The following PDIA3 variants were observed in gnomAD, a reference collection of about 807,000 sequenced individuals.
PDIA3 encodes protein disulfide-isomerase A3.
A neutral mutation model predicts 56.9 loss-of-function variants in PDIA3; 16 were observed. That is an observed-to-expected ratio of 0.28 (90% confidence interval 0.19 to 0.43). The LOEUF is 0.43. Ranked by LOEUF, PDIA3 falls within the 20% of genes least tolerant of loss-of-function variation. PDIA3 has a pLI of 1.00. For missense variants in PDIA3, 485 were observed against 621.3 expected, an observed-to-expected ratio of 0.78 and a Z score of 2.33; for synonymous variants, 192 against 216.5, an observed-to-expected ratio of 0.89 and a Z score of 0.99.
At chr15:43,761,609 G>A in intron 4 of PDIA3, 78 bp downstream of exon 4, 1 of 781,238 alleles carries the variant, frequency 1.3e-6, no homozygotes, top group South Asian at 1.6e-5. Context: ...GAAAACCACA[G>A]AATTAAAGCA....
In PDIA3 at chr15:43,765,355, T is replaced by C; in HGVS notation, c.603-95T>C. On this transcript the variant is annotated intron_variant, in intron 5 of 12. Transcript: ENST00000300289. The stretch of plus-strand genomic sequence containing the variant: ...ATAATCACACCATTGCACTCCAGCC[T>C]GAGCAACAGAGCGAAACCCTATCTC... 5 of 764,908 alleles carry C rather than the reference T, an allele frequency of 6.5e-6. No individual in the cohort carries two copies. The South Asian group carries it at 7.6e-5, about 12-fold the overall frequency. The allele number at this position is 764,908 out of a possible 1,614,324, so 47.4% of individuals were successfully genotyped here. A position where few individuals can be genotyped will look rare whatever the true frequency, so the allele number is the denominator to read the frequency against.
intron 1 of PDIA3, among the ~76,000 whole-genome samples, chr15:43,749,796 A>G (rs2086731815): frequency 6.6e-6 from 1 of 151,954 alleles, no homozygotes; most frequent in Admixed American, 6.6e-5. Flanking sequence ...ACAAAAATTA[A>G]CCGGGCATGG....
intron 1 of PDIA3, among the ~76,000 whole-genome samples, chr15:43,749,341 G>A (rs1312685477): frequency 6.6e-6 from 1 of 152,048 alleles, no homozygotes; most frequent in East Asian, 1.9e-4. Context: ...CACCCTCCTC[G>A]GCCTCCCAAA....
In PDIA3 at chr15:43,772,420, T is replaced by C. The variant is rs2086886991; in HGVS notation, c.*1202T>C. The stretch of plus-strand genomic sequence containing the variant: ...CCTTATAGTAAAGTATGTATCTTGG[T>C]CACACACAAAGCTTGGAAAAAGTAA... On this transcript the variant is annotated 3_prime_UTR_variant, in exon 13 of 13. Transcript: ENST00000300289. 6.6e-6 allele frequency: 1 copy of C among 152,230 alleles called. No individual in the cohort carries two copies. The highest frequency in any genetic ancestry group is 1.5e-5 in the Non-Finnish European group (1 of 68,046). 9.4% of individuals were successfully genotyped at this position (152,230 alleles called of 1,614,324 possible).
Position 43,771,256 on chromosome 15 carries a change from C to G in PDIA3, c.*38C>G. The G allele has an allele frequency of 7.5e-7, 1 of 1,335,366 alleles. No homozygotes were observed. The highest frequency in any genetic ancestry group is 1.1e-6 in the Non-Finnish European group (1 of 935,718). The allele number at this position is 1,335,366 out of a possible 1,614,324, so 82.7% of individuals were successfully genotyped here. ...ACACCACTTTGTAAAAGGACTCTTC[C>G]ATCAGAGATGGGAAAACCATTGGGG... is the stretch of plus-strand genomic sequence containing the variant. On this transcript the variant is annotated 3_prime_UTR_variant, in exon 13 of 13. Transcript: ENST00000300289.
rs2086891863 is a variant in PDIA3, at chr15:43,773,227, C to T, written c.*2009C>T. 6.2e-7 allele frequency: 1 copy of T among 1,613,724 alleles called. No homozygotes were observed. On this transcript the variant is annotated 3_prime_UTR_variant, in exon 13 of 13. Transcript: ENST00000300289. ...TTTCTTCTCTGTAACTTGGGTACTG[C>T]TGCAGAGAAAAAGCATCCATGTCAA...
Position 43,770,545 on chromosome 15 carries a change from C to G in PDIA3, c.1369C>G (p.Pro457Ala). The change falls in exon 12 of 13, where the codon CCA (proline) becomes GCA (alanine). Residue 457 changes from proline (P) to alanine (A), a missense_variant. Transcript: ENST00000300289. The stretch of plus-strand genomic sequence containing the variant: ...CAGTTTTCCTACCATATACTTCTCT[C>G]CAGCCAACAAGAAGCTAAATCCAAA... ...VRGFPTIYFS[P>A]ANKKLNPKKY... The G allele has an allele frequency of 6.2e-7, 1 of 1,612,156 alleles. No individual in the cohort carries two copies. Among genetic ancestry groups the G allele is most frequent in the Non-Finnish European group, 8.5e-7 (1 of 1,178,192 alleles).
intron 1 of PDIA3, chr15:43,751,772 A>G: frequency 3.1e-6 from 4 of 1,292,772 alleles, no homozygotes; most frequent in Non-Finnish European, 4.0e-6. Flanking sequence ...AGCCATGCAT[A>G]CTTTTGTTGT....
At chr15:43,760,100 A>G (rs928518129) in intron 3 of PDIA3, among the ~76,000 whole-genome samples, 3 of 151,626 alleles carry the variant, frequency 2.0e-5, no homozygotes, top group African/African-American at 7.3e-5. Context: ...CATCTCAAAC[A>G]AACAAAAAAA....
rs1445447524 is a variant in PDIA3 at position 43,768,213 on chromosome 15, G to A, written c.1029-276G>A. On this transcript the variant is annotated intron_variant, in intron 8 of 12. Coordinates refer to ENST00000300289, the MANE Select transcript of PDIA3 (RefSeq NM_005313.5). The stretch of plus-strand genomic sequence containing the variant: ...TAAAACAAAATACTGTAAATAGTGT[G>A]CTCCAGAGCAATAAGACCTTGTTTT... Among the ~76,000 whole-genome samples, 4 of 152,096 alleles carry A rather than the reference G, an allele frequency of 2.6e-5. 1 individual carries two copies. The South Asian group carries it at 8.3e-4, about 32-fold the overall frequency.
chr15:43,753,714 T>G (rs1349930546), intron 1 of PDIA3, 110 bp from the exon 2 acceptor site: 2 of 751,624 alleles, frequency 2.7e-6, no homozygotes, highest in African/African-American at 3.5e-5. Context: ...TTTTTGGAAG[T>G]GTCTACTAGC....
At chr15:43,767,048 A>G (rs2086851657) in intron 8 of PDIA3, 138 bp downstream of exon 8, 2 of 813,808 alleles carry the variant, frequency 2.5e-6, no homozygotes, top group Non-Finnish European at 3.9e-6. Flanking sequence ...ATTTTTCTCA[A>G]TTTAAATATA....
At chr15:43,748,455 G>A (rs2141641246) in intron 1 of PDIA3, among the ~76,000 whole-genome samples, 1 of 152,104 alleles carries the variant, frequency 6.6e-6, no homozygotes, top group Middle Eastern at 3.4e-3. Flanking sequence ...TCCAGCCTGG[G>A]CAACAAGAGC....
chr15:43,746,788 A>C, intron 1 of PDIA3, 82 bp downstream of exon 1: 1 of 1,459,492 alleles, frequency 6.9e-7, no homozygotes, highest in South Asian at 1.1e-5. Flanking sequence ...GGGCCTACGC[A>C]GCGCCGGGGC....
intron 1 of PDIA3, chr15:43,751,514 G>A: frequency 1.0e-6 from 1 of 999,844 alleles, no homozygotes; most frequent in Non-Finnish European, 1.4e-6. Context: ...AGGGGTGGGT[G>A]AAAGAAGTAG....
chr15:43,747,395 A>G (rs1449348314), intron 1 of PDIA3, among the ~76,000 whole-genome samples: 1 of 152,228 alleles, frequency 6.6e-6, no homozygotes, highest in Non-Finnish European at 1.5e-5. Flanking sequence ...ATGTCAAAAA[A>G]GACTCCAATG....
intron 5 of PDIA3, among the ~76,000 whole-genome samples, chr15:43,764,182 T>G (rs895010870): frequency 1.3e-5 from 2 of 152,208 alleles, no homozygotes; most frequent in Admixed American, 6.5e-5. Context: ...AGGTCTGATC[T>G]TTCACAAAAA....
chr15:43,767,787 A>AG (rs1254784700), intron 8 of PDIA3, among the ~76,000 whole-genome samples: 1 of 149,784 alleles, frequency 6.7e-6, no homozygotes, highest in Non-Finnish European at 1.5e-5. Flanking sequence ...AAAAAAAAAA[A>AG]AAAGAAAGAA....
chr15:43,769,608 A>G lies in PDIA3; in HGVS notation c.1228A>G (p.Lys410Glu). 6.2e-7 allele frequency: 1 copy of G among 1,613,844 alleles called. No individual in the cohort carries two copies. Among genetic ancestry groups the G allele is most frequent in the South Asian group, 1.1e-5 (1 of 91,078 alleles). The change falls in exon 10 of 13, where the codon AAG (lysine) becomes GAG (glutamate). Residue 410 changes from lysine to glutamate, a missense_variant. Transcript: ENST00000300289. The stretch of plus-strand genomic sequence containing the variant: ...TTATGCCCCTTGGTGTGGTCACTGT[A>G]AGAACCTGGAGCCCAAGTATAAAGA... ...EFYAPWCGHC[K>E]NLEPKYKELG... is the part of the protein sequence containing the mutation.
Sources: gnomAD v4.1 joint callset for allele counts (sites outside exome capture counted in the v4.1 genomes callset) on GRCh38, gnomAD v4.1.1 for gene constraint, MANE v1.5 for transcripts, NCBI Gene and HGNC (gene_info 2026-07-23, HGNC 2026-07-21) for gene names.